The following ZNF780B variants were observed in gnomAD, a reference collection of about 807,000 sequenced individuals.
ZNF780B encodes zinc finger protein 779.
ZNF780B carries 52 observed loss-of-function variants against 74.1 expected under a neutral mutation model. The observed-to-expected ratio is 0.70, with a 90% CI of 0.56 to 0.88. The LOEUF is 0.88. Ranked by LOEUF, ZNF780B falls within the 40% of genes least tolerant of loss-of-function variation. The probability of loss-of-function intolerance (pLI) is 0.00; values close to 1 mark genes in which losing one functional copy is unlikely to be tolerated. For synonymous variants in ZNF780B, 315 were observed against 324.3 expected (o/e 0.97, Z 0.31); for missense variants, 953 against 1,007.6 (o/e 0.95, Z 0.73).
In ZNF780B at chr19:40,031,886, A is replaced by C. The variant is rs528638302; in HGVS notation, c.*2471T>G. On this transcript the variant is annotated 3_prime_UTR_variant, in exon 5 of 5. Transcript: ENST00000434248. ...ACTACAAACTAAATCTTTACAATGG[A>C]CTTACGGCGGTTACCAGCTTACCCA... The C allele has an allele frequency of 3.2e-6, 1 of 316,854 alleles. No homozygotes were observed. Among genetic ancestry groups the C allele is most frequent in the Non-Finnish European group, 6.3e-6 (1 of 159,618 alleles). The allele number at this position is 316,854 out of a possible 1,614,324, so 19.6% of individuals were successfully genotyped here.
Position 40,035,502 on chromosome 19 carries a change from C to A in ZNF780B, c.1357G>T (p.Ala453Ser). 6.2e-7 allele frequency: 1 copy of A among 1,613,888 alleles called. No individual in the cohort carries two copies. Among genetic ancestry groups the A allele is most frequent in the Non-Finnish European group, 8.5e-7 (1 of 1,179,972 alleles). Residue 453 changes from alanine to serine, a missense_variant, in exon 5 of 5, where the codon GCC becomes TCC. Physicochemically the swap from Ala to Ser is moderately conservative, Grantham distance 99 (BLOSUM62 1). Transcript: ENST00000434248. ...KPFVCRECEM[A>S]FRYHYQLIQH... ...ATAAGTTGGTAATGATATCGAAAGG[C>A]CATCTCACATTCCCTACATACAAAG...
intron 3 of ZNF780B, among the ~76,000 whole-genome samples, chr19:40,048,171 G>A (rs1453157349): frequency 1.3e-5 from 2 of 152,136 alleles, no homozygotes; most frequent in Non-Finnish European, 2.9e-5. Context: ...TTGAGACAGT[G>A]TCTTGCTCTG....
chr19:40,034,404 C>T lies in ZNF780B; in HGVS notation c.2455G>A (p.Asp819Asn). 3.1e-6 allele frequency: 5 copies of T among 1,613,616 alleles called. No homozygotes were observed. The highest frequency in any genetic ancestry group is 4.2e-6 in the Non-Finnish European group (5 of 1,179,714). ...ATGTTCAGTAAGTTGCTACTGATGT[C>T]TGAAGGCTGTCCCACATTTCTTACA... is the stretch of plus-strand genomic sequence containing the variant. Reference protein sequence around the residue: ...LNVRNVGQPSDISSNLLNIRK... With the variant: ...LNVRNVGQPSNISSNLLNIRK... Residue 819 changes from aspartate (D) to asparagine (N), a missense_variant, in exon 5 of 5, where the codon GAC becomes AAC. Physicochemically the swap from Asp to Asn is conservative, Grantham distance 23. Coordinates refer to ENST00000434248, the MANE Select transcript of ZNF780B (RefSeq NM_001005851.3).
Position 40,034,149 on chromosome 19 carries a change from T to A in ZNF780B, c.*208A>T. 1 of 634,076 alleles carries A rather than the reference T, an allele frequency of 1.6e-6. No individual in the cohort carries two copies. Among genetic ancestry groups the A allele is most frequent in the Non-Finnish European group, 2.8e-6 (1 of 351,752 alleles). The allele number at this position is 634,076 out of a possible 1,614,324, so 39.3% of individuals were successfully genotyped here. On this transcript the variant is annotated 3_prime_UTR_variant, in exon 5 of 5. Transcript: ENST00000434248. ...TAACATGTTTAACAGGTTTGAACTA[T>A]GACTAAAGGCTTTCCCACATTCTTC...
At position 40,034,151 on chromosome 19, in the gene ZNF780B, ACTAAAGG is replaced by A; in HGVS notation, c.*199_*205del. ...ACATGTTTAACAGGTTTGAACTATGACTAAAGGCTTTCCCACATTCTTCACATTGATA... is the reference window on the plus strand; with the variant it reads ...ACATGTTTAACAGGTTTGAACTATGACTTTCCCACATTCTTCACATTGATA... On this transcript the variant is annotated 3_prime_UTR_variant, in exon 5 of 5. Transcript: ENST00000434248. The A allele has an allele frequency of 1.6e-6, 1 of 643,814 alleles. No individual in the cohort carries two copies. The highest frequency in any genetic ancestry group is 2.6e-5 in the Admixed American group (1 of 38,044). 39.9% of individuals were successfully genotyped at this position (643,814 alleles called of 1,614,324 possible).
rs1422978328 is a variant in ZNF780B, at chr19:40,056,206, C to T, written c.-63G>A. ...GACCTTACCCAGCTAGGTCGTCAACCCCAGGAGACAGGAAGTGGAACCGCT... is the reference window on the plus strand; with the variant it reads ...GACCTTACCCAGCTAGGTCGTCAACTCCAGGAGACAGGAAGTGGAACCGCT... On this transcript the variant is annotated 5_prime_UTR_variant, in exon 1 of 5. Transcript: ENST00000434248. The T allele has an allele frequency of 6.6e-6, 1 of 152,308 alleles. No homozygotes were observed. The highest frequency in any genetic ancestry group is 1.9e-4 in the East Asian group (1 of 5,190). 9.4% of individuals were successfully genotyped at this position (152,308 alleles called of 1,614,324 possible). A position where few individuals can be genotyped will look rare whatever the true frequency, so the allele number is the denominator to read the frequency against.
intron 4 of ZNF780B, among the ~76,000 whole-genome samples, chr19:40,039,839 A>T (rs1162965955): frequency 1.3e-5 from 2 of 151,972 alleles, no homozygotes; most frequent in Non-Finnish European, 1.5e-5. Flanking sequence ...CTAGATATAC[A>T]ATCATGTCAT....
Position 40,036,533 on chromosome 19 carries a change from T to C in ZNF780B, c.326A>G (p.Lys109Arg). Reference sequence around the variant, plus strand: ...ATAAAAGGCCTCGAGGCCAAGTGTTTTACTTATTTGCTTTATAACATGTTT... The same window carrying C: ...ATAAAAGGCCTCGAGGCCAAGTGTTCTACTTATTTGCTTTATAACATGTTT... ...LPKHVIKQISKTLGLEAFYFR... is the reference protein window; with the variant it reads ...LPKHVIKQISRTLGLEAFYFR... Residue 109 changes from lysine (K) to arginine (R), a missense_variant, in exon 5 of 5, where the codon AAA becomes AGA. Coordinates refer to ENST00000434248, the MANE Select transcript of ZNF780B (RefSeq NM_001005851.3). 6.2e-7 allele frequency: 1 copy of C among 1,600,760 alleles called. No homozygotes were observed. Among genetic ancestry groups the C allele is most frequent in the Non-Finnish European group, 8.5e-7 (1 of 1,174,800 alleles).
intron 3 of ZNF780B, among the ~76,000 whole-genome samples, chr19:40,048,002 A>G (rs1018794635): frequency 3.9e-5 from 6 of 152,324 alleles, no homozygotes; most frequent in Admixed American, 3.9e-4. Context: ...TTTTCACCCA[A>G]CAGAAAAGCA....
rs1458515151 is a variant in ZNF780B at position 40,034,615 on chromosome 19, A to G, written c.2244T>C (p.Thr748=). ...TQLAQHQIIH[T]GEKPFKCKEC... ...CCTTACATTTAAATGGCTTCTCACC[A>G]GTATGAATGATCTGATGTTGAGCAA... is the stretch of plus-strand genomic sequence containing the variant. Residue 748 remains threonine, a synonymous_variant, in exon 5 of 5, where the codon ACT becomes ACC. Coordinates refer to ENST00000434248, the MANE Select transcript of ZNF780B (RefSeq NM_001005851.3). 1.2e-6 allele frequency: 2 copies of G among 1,613,630 alleles called. No homozygotes were observed. The highest frequency in any genetic ancestry group is 1.3e-5 in the African/African-American group (1 of 74,758).
chr19:40,036,230 C>T lies in ZNF780B; in HGVS notation c.629G>A (p.Arg210Gln), dbSNP rs537099679. ...CTCACCAGTATGAAATTTCTGATGT[C>T]GAGTAAGTTGTATGTGAAGTTGAAA... ...KAFQLHIQLT[R>Q]HQKFHTGEKT... The change falls in exon 5 of 5, where the codon CGA (arginine) becomes CAA (glutamine). Residue 210 changes from arginine (R) to glutamine (Q), a missense_variant. Physicochemically the swap from Arg to Gln is conservative, Grantham distance 43 (BLOSUM62 1). Coordinates refer to ENST00000434248, the MANE Select transcript of ZNF780B (RefSeq NM_001005851.3). 72 of 1,611,110 alleles carry T rather than the reference C, an allele frequency of 4.5e-5. No homozygotes were observed. Among genetic ancestry groups the T allele is most frequent in the Non-Finnish European group, 5.4e-5 (64 of 1,179,114 alleles).
intron 4 of ZNF780B, among the ~76,000 whole-genome samples, chr19:40,038,364 G>T (rs1269546420): frequency 6.6e-6 from 1 of 151,588 alleles, no homozygotes; most frequent in Non-Finnish European, 1.5e-5. Context: ...GAATAGTGCC[G>T]CAATAAACAT....
Position 40,034,790 on chromosome 19 carries a change from G to A in ZNF780B, c.2069C>T (p.Thr690Ile), listed in dbSNP as rs117389731. The A allele has an allele frequency of 0.01, 16,617 of 1,612,944 alleles. 121 individuals are homozygous for A. Among genetic ancestry groups the A allele is most frequent in the Non-Finnish European group, 0.013 (15,356 of 1,179,800 alleles). The change falls in exon 5 of 5, where the codon ACT becomes ATT. Residue 690 changes from threonine (T) to isoleucine (I), a missense_variant. Coordinates refer to ENST00000434248, the MANE Select transcript of ZNF780B (RefSeq NM_001005851.3). ...RVSNLIQHQK[T>I]HSSAKPFVCK... ...TACAAAGGGTTTCGCACTGGAATGA[G>A]TTTTCTGATGCTGAATAAGGTTTGA...
intron 4 of ZNF780B, among the ~76,000 whole-genome samples, chr19:40,040,199 T>A (rs1208172420): frequency 6.6e-6 from 1 of 152,240 alleles, no homozygotes; most frequent in African/African-American, 2.4e-5. Flanking sequence ...TCTGTTTATA[T>A]GCTGGATTAC....
At chr19:40,041,833 A>G (rs1972657874) in intron 4 of ZNF780B, among the ~76,000 whole-genome samples, 1 of 152,160 alleles carries the variant, frequency 6.6e-6, no homozygotes, top group Non-Finnish European at 1.5e-5. Flanking sequence ...TGAATACAGC[A>G]CACTGATGGG....
At position 40,035,988 on chromosome 19, in the gene ZNF780B, T is replaced by A. The variant is rs1440630175; in HGVS notation, c.871A>T (p.Asn291Tyr). Residue 291 changes from asparagine to tyrosine, a missense_variant, in exon 5 of 5, where the codon AAT (asparagine) becomes TAT (tyrosine). Coordinates refer to ENST00000434248, the MANE Select transcript of ZNF780B (RefSeq NM_001005851.3). Reference protein sequence around the residue: ...ECGKAFNRGSNLIQHQKIHSN... With the variant: ...ECGKAFNRGSYLIQHQKIHSN... Reference sequence around the variant, plus strand: ...TGAATTTTTTGATGCTGAATAAGATTTGAACCACGATTAAAGGCTTTCCCA... The same window carrying A: ...TGAATTTTTTGATGCTGAATAAGATATGAACCACGATTAAAGGCTTTCCCA... The A allele has an allele frequency of 6.2e-7, 1 of 1,613,998 alleles. No homozygotes were observed. The highest frequency in any genetic ancestry group is 8.5e-7 in the Non-Finnish European group (1 of 1,179,990).
intron 1 of ZNF780B, among the ~76,000 whole-genome samples, chr19:40,054,885 C>T (rs1973414593): frequency 6.6e-6 from 1 of 152,302 alleles, no homozygotes; most frequent in African/African-American, 2.4e-5. Context: ...AAAATGCAAC[C>T]GGAACTGCCG....
At chr19:40,052,435 T>C (rs913219510) in intron 1 of ZNF780B, among the ~76,000 whole-genome samples, 17 of 152,134 alleles carry the variant, frequency 1.1e-4, no homozygotes, top group Admixed American at 1.0e-3. Flanking sequence ...GATATACTAT[T>C]TCTCCCTCTA....
At chr19:40,044,314 G>GTTT (rs1972827872) in intron 4 of ZNF780B, among the ~76,000 whole-genome samples, 2 of 152,030 alleles carry the variant, frequency 1.3e-5, no homozygotes, top group African/African-American at 4.8e-5. Context: ...ATACAAAAAG[G>GTTT]TCTTCTCCAT....
Sources: allele counts gnomAD v4.1 joint callset (sites outside exome capture counted in the v4.1 genomes callset), GRCh38; gene constraint gnomAD v4.1.1; transcripts MANE v1.5; gene names NCBI Gene and HGNC (gene_info 2026-07-23, HGNC 2026-07-21).